Variants in LINGO1 observed in about 807,000 individuals in gnomAD.
The protein encoded by LINGO1 is leucine-rich repeat and immunoglobulin-like domain-containing nogo receptor-interacting protein 1.
A neutral mutation model predicts 37.3 loss-of-function variants in LINGO1; 11 were observed. That is an observed-to-expected ratio of 0.29 (90% CI 0.19 to 0.49). The LOEUF (loss-of-function observed/expected upper bound fraction) is 0.49. Ranked by LOEUF, LINGO1 falls within the 20% of genes least tolerant of loss-of-function variation. LINGO1 has a pLI of 0.99. For synonymous variants in LINGO1, 387 were observed against 403.0 expected, an observed-to-expected ratio of 0.96 and a Z score of 0.48; for missense variants, 585 against 878.2, an observed-to-expected ratio of 0.67 and a Z score of 4.22.
intron 1 of LINGO1, among the ~76,000 whole-genome samples, chr15:77,783,949 G>A (rs1362272889): frequency 1.3e-5 from 2 of 152,224 alleles, no homozygotes; most frequent in African/African-American, 2.4e-5. Flanking sequence ...ACTTTGCCTC[G>A]CCTTTCCTCC....
chr15:77,618,855 AAAGTGCTGGGATT>A (rs1411276481), intron 1 of LINGO1, among the ~76,000 whole-genome samples: 28 of 32 alleles, frequency 0.88, 14 homozygotes, highest in Non-Finnish European at 1. Context: ...TCGGCCTCCC[AAAGTGCTGGGATT>A]ACAGGCGTGA....
At chr15:77,710,956 T>C (rs550357458) in intron 2 of LINGO1, among the ~76,000 whole-genome samples, 21 of 152,352 alleles carry the variant, frequency 1.4e-4, no homozygotes, top group African/African-American at 3.8e-4. Context: ...TGGGAGAAGA[T>C]TGAGACGTCT....
chr15:77,615,261 C>T lies in LINGO1; in HGVS notation c.646G>A (p.Gly216Ser), dbSNP rs1236110595. 7 of 1,613,598 alleles carry T rather than the reference C, an allele frequency of 4.3e-6. No individual in the cohort carries two copies. Among genetic ancestry groups the T allele is most frequent in the East Asian group, 2.2e-5 (1 of 44,870 alleles). The change falls in exon 2 of 2, where the codon GGC (glycine) becomes AGC (serine). Residue 216 changes from glycine (G) to serine (S), a missense_variant. Coordinates refer to ENST00000355300, the MANE Select transcript of LINGO1 (RefSeq NM_032808.7). The part of the protein sequence containing the change: ...IPTEALSHLH[G>S]LIVLRLRHLN... The stretch of plus-strand genomic sequence containing the variant: ...TGCCGGAGCCTCAGGACGATGAGGC[C>T]GTGCAGGTGGGACAGCGCCTCGGTG...
At chr15:77,619,349 G>A (rs1167643655) in intron 1 of LINGO1, among the ~76,000 whole-genome samples, 1 of 152,164 alleles carries the variant, frequency 6.6e-6, no homozygotes, top group Non-Finnish European at 1.5e-5. Flanking sequence ...CAGGCCCACT[G>A]AGCAATGAGA....
intron 1 of LINGO1, among the ~76,000 whole-genome samples, chr15:77,775,450 T>G (rs756853060): frequency 6.6e-6 from 1 of 152,158 alleles, no homozygotes; most frequent in Non-Finnish European, 1.5e-5. Context: ...TTACTGTCCC[T>G]GTGGGCTTAG....
chr15:77,617,500 T>C (rs2073769208), intron 1 of LINGO1, among the ~76,000 whole-genome samples: 1 of 152,162 alleles, frequency 6.6e-6, no homozygotes, highest in Non-Finnish European at 1.5e-5. Context: ...CCACACCCTG[T>C]ACTCATGGCC....
intron 1 of LINGO1, among the ~76,000 whole-genome samples, chr15:77,621,486 G>C (rs1000264788): frequency 3.9e-5 from 6 of 152,348 alleles, no homozygotes; most frequent in African/African-American, 1.2e-4. Context: ...AAGCCAGAGG[G>C]GGGCAGAGCT....
chr15:77,644,307 C>T (rs928587791), intron 3 of LINGO1, among the ~76,000 whole-genome samples: 1 of 152,170 alleles, frequency 6.6e-6, no homozygotes, highest in African/African-American at 2.4e-5. Context: ...CCAGCTGTGC[C>T]GGAGGAGCCA....
At chr15:77,767,824 C>T (rs919880724) in intron 1 of LINGO1, among the ~76,000 whole-genome samples, 3 of 152,188 alleles carry the variant, frequency 2.0e-5, no homozygotes, top group East Asian at 1.9e-4. Context: ...GAGTACATTA[C>T]ATAGCTCAGC....
At chr15:77,741,017 CAA>C (rs1228831049) in intron 1 of LINGO1, among the ~76,000 whole-genome samples, 1 of 152,178 alleles carries the variant, frequency 6.6e-6, no homozygotes. Flanking sequence ...CCCTCGCCCC[CAA>C]AAGAGCTCAC....
At chr15:77,806,110 C>T (rs567322655) in intron 1 of LINGO1, among the ~76,000 whole-genome samples, 29 of 152,278 alleles carry the variant, frequency 1.9e-4, no homozygotes, top group East Asian at 7.7e-4. Context: ...CAGCAGCCGC[C>T]GAAGCCTCAT....
At chr15:77,638,924 A>G (rs1228922051), upstream of LINGO1, among the ~76,000 whole-genome samples, 1 of 152,144 alleles carries the variant, frequency 6.6e-6, no homozygotes, top group Non-Finnish European at 1.5e-5. Context: ...AAGTGACACA[A>G]TGTCACTTGT....
chr15:77,669,955 T>C lies in LINGO1; in HGVS notation c.-13+7134A>G, dbSNP rs180990956. ...AAAGTCAAAACCACCCAAATGTTCA[T>C]GAATGACTATATAAACAAAATGTGT... On this transcript the variant is annotated intron_variant, in intron 3 of 3. Coordinates refer to the LINGO1 transcript ENST00000559893. Among the ~76,000 whole-genome samples, 347 of 152,300 alleles carry C rather than the reference T, an allele frequency of 2.3e-3. 1 individual carries two copies. The highest frequency in any genetic ancestry group is 4.0e-3 in the Non-Finnish European group (273 of 68,014).
At chr15:77,650,253 G>A (rs932739083) in intron 3 of LINGO1, among the ~76,000 whole-genome samples, 6 of 152,132 alleles carry the variant, frequency 3.9e-5, no homozygotes, top group Admixed American at 1.3e-4. Context: ...TTTAAGACTC[G>A]AGGCTTTCAG....
chr15:77,732,392 C>A (rs1449090373), intron 2 of LINGO1, among the ~76,000 whole-genome samples: 3 of 152,274 alleles, frequency 2.0e-5, no homozygotes, highest in Non-Finnish European at 4.4e-5. Flanking sequence ...ACTGGCCTAA[C>A]ACCCACCCCC....
upstream of LINGO1, among the ~76,000 whole-genome samples, chr15:77,634,684 C>A (rs897803244): frequency 2.0e-5 from 3 of 152,160 alleles, no homozygotes; most frequent in Admixed American, 6.5e-5. Context: ...GAGTCCCCCT[C>A]CCTGCCAGAG....
intron 1 of LINGO1, among the ~76,000 whole-genome samples, chr15:77,759,469 C>T (rs575290301): frequency 6.6e-6 from 1 of 152,328 alleles, no homozygotes; most frequent in South Asian, 2.1e-4. Flanking sequence ...CTCAGTTTCC[C>T]CACCTGAAAA....
intron 3 of LINGO1, among the ~76,000 whole-genome samples, chr15:77,665,511 G>A (rs1349017923): frequency 6.6e-6 from 1 of 152,212 alleles, no homozygotes; most frequent in African/African-American, 2.4e-5. Context: ...GGAGCTCTGA[G>A]ACCTGGGAGA....
At chr15:77,695,346 G>C (rs1213967697) in intron 1 of LINGO1, among the ~76,000 whole-genome samples, 1 of 152,116 alleles carries the variant, frequency 6.6e-6, no homozygotes, top group Non-Finnish European at 1.5e-5. Context: ...GCGACACAAA[G>C]AAAGGATAAA....
Sources: allele counts gnomAD v4.1 joint callset (sites outside exome capture counted in the v4.1 genomes callset), GRCh38; gene constraint gnomAD v4.1.1; transcripts MANE v1.5; gene names NCBI Gene and HGNC (gene_info 2026-07-23, HGNC 2026-07-21).